Variants in NDUFAF2 observed in about 807,000 individuals in gnomAD.
NDUFAF2 encodes NADH dehydrogenase [ubiquinone] 1 alpha subcomplex assembly factor 2.
A neutral mutation model predicts 22.8 loss-of-function variants in NDUFAF2; 13 were observed. That is an observed-to-expected ratio of 0.57 (90% CI 0.37 to 0.91). NDUFAF2 has a LOEUF of 0.91. Ranked by LOEUF, NDUFAF2 falls within the 40% of genes least tolerant of loss-of-function variation. NDUFAF2 has a pLI of 0.01. For synonymous variants in NDUFAF2, 53 were observed against 64.2 expected, an observed-to-expected ratio of 0.83 and a Z score of 0.84; for missense variants, 162 against 195.2, an observed-to-expected ratio of 0.83 and a Z score of 1.01.
intron 3 of NDUFAF2, among the ~76,000 whole-genome samples, chr5:61,103,379 G>A (rs185922755): frequency 1.3e-4 from 19 of 151,738 alleles, no homozygotes; most frequent in Non-Finnish European, 2.2e-4. Flanking sequence ...AAAATCCTTG[G>A]TTGTTTTCCT....
At chr5:61,077,266 A>C (rs977630507) in intron 2 of NDUFAF2, among the ~76,000 whole-genome samples, 3 of 152,194 alleles carry the variant, frequency 2.0e-5, no homozygotes, top group Non-Finnish European at 4.4e-5. Flanking sequence ...ACTGACCCTT[A>C]GGCTGCTCCA....
chr5:61,012,965 C>A (rs1751459599), intron 1 of NDUFAF2, among the ~76,000 whole-genome samples: 1 of 151,944 alleles, frequency 6.6e-6, no homozygotes, highest in African/African-American at 2.4e-5. Flanking sequence ...TTGGTTTAAT[C>A]AAATTTGTAT....
At chr5:60,966,461 C>T (rs998649577) in intron 1 of NDUFAF2, among the ~76,000 whole-genome samples, 3 of 152,030 alleles carry the variant, frequency 2.0e-5, no homozygotes, top group Non-Finnish European at 2.9e-5. Context: ...AAGCATTCCC[C>T]TCTGTTTTCT....
chr5:61,146,339 G>A (rs974115774), intron 3 of NDUFAF2: 23 of 152,256 alleles, frequency 1.5e-4, no homozygotes, highest in African/African-American at 5.5e-4. Context: ...AACCTCTGGT[G>A]TTTTTCCTCT....
At chr5:60,961,681 G>T (rs1456540323) in intron 1 of NDUFAF2, among the ~76,000 whole-genome samples, 4 of 149,604 alleles carry the variant, frequency 2.7e-5, no homozygotes, top group Admixed American at 2.7e-4. Context: ...CAGGAGAATC[G>T]CTTGAACCCA....
chr5:61,046,418 G>A (rs1408471119), intron 1 of NDUFAF2, among the ~76,000 whole-genome samples: 2 of 152,078 alleles, frequency 1.3e-5, no homozygotes, highest in East Asian at 3.9e-4. Flanking sequence ...AAAGCCATCA[G>A]GTCCTGAGCT....
intron 1 of NDUFAF2, among the ~76,000 whole-genome samples, chr5:61,068,287 T>C (rs1390521000): frequency 2.6e-5 from 4 of 152,168 alleles, no homozygotes; most frequent in African/African-American, 9.6e-5. Context: ...GGCAATCTTT[T>C]TTACTTTTAT....
intron 2 of NDUFAF2, among the ~76,000 whole-genome samples, chr5:61,077,502 A>G (rs978006185): frequency 3.3e-5 from 5 of 152,372 alleles, no homozygotes; most frequent in African/African-American, 1.2e-4. Flanking sequence ...AAGTATAGCA[A>G]GAGAGAATTT....
At chr5:61,116,788 A>G (rs902423871) in intron 3 of NDUFAF2, 3 of 152,322 alleles carry the variant, frequency 2.0e-5, no homozygotes, top group Non-Finnish European at 2.9e-5. Context: ...AAACTGCAGC[A>G]TTGGCAAAGG....
intron 3 of NDUFAF2, among the ~76,000 whole-genome samples, chr5:61,145,143 C>G (rs1051079638): frequency 2.0e-5 from 3 of 152,080 alleles, no homozygotes; most frequent in Non-Finnish European, 4.4e-5. Flanking sequence ...GTCATTACTA[C>G]ACATAGCAAG....
At chr5:61,117,593 C>G (rs551276001) in intron 3 of NDUFAF2, among the ~76,000 whole-genome samples, 2 of 151,988 alleles carry the variant, frequency 1.3e-5, no homozygotes, top group Admixed American at 1.3e-4. Context: ...TAGACTCAAG[C>G]GATCTTCCCA....
At chr5:61,070,494 C>CT (rs1349893224) in intron 1 of NDUFAF2, among the ~76,000 whole-genome samples, 3 of 151,420 alleles carry the variant, frequency 2.0e-5, no homozygotes, top group African/African-American at 4.9e-5. Context: ...AAGATGTATA[C>CT]TTTTTTAAAA....
intron 1 of NDUFAF2, among the ~76,000 whole-genome samples, chr5:61,060,457 T>C (rs1028248868): frequency 6.6e-6 from 1 of 152,166 alleles, no homozygotes; most frequent in Admixed American, 6.6e-5. Flanking sequence ...TTCAGTCTCT[T>C]ATACATCACC....
intron 3 of NDUFAF2, among the ~76,000 whole-genome samples, chr5:61,131,440 G>T (rs1210811632): frequency 1.3e-5 from 2 of 152,048 alleles, no homozygotes; most frequent in Admixed American, 1.3e-4. Flanking sequence ...TAACTCTTTA[G>T]AGAGCAATTT....
intron 1 of NDUFAF2, among the ~76,000 whole-genome samples, chr5:60,966,858 T>G (rs546876423): frequency 6.6e-6 from 1 of 152,222 alleles, no homozygotes; most frequent in South Asian, 2.1e-4. Context: ...ATTTTAGGAT[T>G]GTTTTTCACT....
intron 1 of NDUFAF2, among the ~76,000 whole-genome samples, chr5:60,996,531 C>T (rs937266985): frequency 1.3e-5 from 2 of 152,120 alleles, no homozygotes; most frequent in African/African-American, 4.8e-5. Flanking sequence ...GATGCCAACA[C>T]TCCCTTGGCA....
intron 1 of NDUFAF2, among the ~76,000 whole-genome samples, chr5:60,982,242 A>G (rs1230598543): frequency 3.3e-5 from 5 of 152,144 alleles, no homozygotes; most frequent in Admixed American, 3.3e-4. Flanking sequence ...CAATTTTCAA[A>G]AGAAAGAGGT....
intron 3 of NDUFAF2, among the ~76,000 whole-genome samples, chr5:61,121,031 G>T (rs1752969835): frequency 1.3e-5 from 2 of 152,092 alleles, no homozygotes; most frequent in East Asian, 1.9e-4. Flanking sequence ...GTGTTTAAGA[G>T]AATTGTATTG....
intron 1 of NDUFAF2, among the ~76,000 whole-genome samples, chr5:61,017,634 T>C (rs1203509628): frequency 6.6e-6 from 1 of 152,220 alleles, no homozygotes; most frequent in East Asian, 1.9e-4. Flanking sequence ...CAGGGTGGTA[T>C]GTGCCTATAG....
Sources: allele counts gnomAD v4.1 joint callset (sites outside exome capture counted in the v4.1 genomes callset), GRCh38; gene constraint gnomAD v4.1.1; transcripts MANE v1.5; gene names NCBI Gene and HGNC (gene_info 2026-07-23, HGNC 2026-07-21).